CPLANE1: variants seen among roughly 807,000 people sequenced by gnomAD.
CPLANE1 encodes the protein ciliogenesis and planar polarity effector complex subunit 1.
CPLANE1 carries 263 observed loss-of-function variants against 362.5 expected under a neutral mutation model. The ratio of observed to expected loss-of-function variants is 0.73; its 90% CI spans 0.66 to 0.80. The LOEUF (loss-of-function observed/expected upper bound fraction) is 0.80. CPLANE1 is among the 30% of genes least tolerant of loss of function. CPLANE1 has a pLI of 0.00. For missense variants in CPLANE1, 3,461 were observed against 3,793.4 expected (o/e 0.91, Z 2.30); for synonymous variants, 1,212 against 1,302.6 (o/e 0.93, Z 1.50).
In CPLANE1 at chr5:37,170,146, A is replaced by G. The variant is rs1383536645; in HGVS notation, c.6357T>C (p.Ile2119=). 6.8e-6 allele frequency: 11 copies of G among 1,614,018 alleles called. No homozygotes were observed. The highest frequency in any genetic ancestry group is 9.3e-6 in the Non-Finnish European group (11 of 1,180,030). The change falls in exon 33 of 53, where the codon ATT becomes ATC. Residue 2119 remains isoleucine, a synonymous_variant. Coordinates refer to ENST00000651892, the MANE Select transcript of CPLANE1 (RefSeq NM_001384732.1). ...CGTTCTCTCCCATTGACTGTGGTTT[A>G]ATAAAAAATCTCTCCTTAAGATTTT... ...SNKNLKERFF[I]KPQSMGENAR...
intron 31 of CPLANE1, among the ~76,000 whole-genome samples, chr5:37,175,350 GCAA>G (rs948187432): frequency 6.6e-6 from 1 of 152,178 alleles, no homozygotes; most frequent in Admixed American, 6.5e-5. Flanking sequence ...TCATGCAGAC[GCAA>G]CAACATTTTG....
intron 19 of CPLANE1, among the ~76,000 whole-genome samples, chr5:37,200,395 A>G (rs1262420314): frequency 2.0e-5 from 3 of 152,240 alleles, no homozygotes; most frequent in African/African-American, 7.2e-5. Context: ...GTCATTTCAA[A>G]TTTCTAAACC....
the CPLANE1 span, among the ~76,000 whole-genome samples, chr5:37,076,503 G>C: frequency 1.3e-5 from 2 of 151,678 alleles, no homozygotes. Context: ...GTAGAGACAG[G>C]GTTTCACCAT....
intron 51 of CPLANE1, among the ~76,000 whole-genome samples, chr5:37,113,326 G>C (rs1365486033): frequency 6.6e-6 from 1 of 152,150 alleles, no homozygotes; most frequent in Non-Finnish European, 1.5e-5. Context: ...GAGTTCCCCT[G>C]AATACACTCT....
intron 21 of CPLANE1, among the ~76,000 whole-genome samples, chr5:37,192,635 C>T (rs867663421): frequency 2.6e-5 from 4 of 151,780 alleles, no homozygotes; most frequent in African/African-American, 7.3e-5. Flanking sequence ...GAGGCCAAGG[C>T]GGGCAGATCA....
chr5:37,161,554 A>G (rs1490943145), intron 38 of CPLANE1, among the ~76,000 whole-genome samples: 1 of 152,262 alleles, frequency 6.6e-6, no homozygotes, highest in African/African-American at 2.4e-5. Context: ...AATATGTTAA[A>G]GATACACTCT....
chr5:37,229,773 T>C (rs1480417933), intron 9 of CPLANE1, among the ~76,000 whole-genome samples: 1 of 152,190 alleles, frequency 6.6e-6, no homozygotes, highest in African/African-American at 2.4e-5. Context: ...TGTATTACCT[T>C]ACTTCATTCT....
At chr5:37,090,069 C>T in the CPLANE1 span, among the ~76,000 whole-genome samples, 4 of 152,048 alleles carry the variant, frequency 2.6e-5, no homozygotes, top group South Asian at 2.1e-4. Flanking sequence ...ATCTTGGGTA[C>T]GTATTAACTT....
Position 37,175,954 on chromosome 5 carries a change from G to C in CPLANE1, c.5933C>G (p.Thr1978Ser). The C allele has an allele frequency of 6.2e-7, 1 of 1,613,424 alleles. No individual in the cohort carries two copies. Among genetic ancestry groups the C allele is most frequent in the Non-Finnish European group, 8.5e-7 (1 of 1,179,598 alleles). ...MIEAFSHPGH[T>S]TPQSMQVDTS... is the part of the protein sequence containing the mutation. ...ATCTACTTGCATTGATTGAGGAGTG[G>C]TATGCCCAGGATGTGAAAAGGCTTC... The change falls in exon 31 of 53, where the codon ACC becomes AGC. Residue 1978 changes from threonine to serine, a missense_variant. Around this residue, in one of 2 missense-constraint regions of CPLANE1, gnomAD observed 3,380 missense variants for 3,666.1 expected, o/e 0.92. Coordinates refer to ENST00000651892, the MANE Select transcript of CPLANE1 (RefSeq NM_001384732.1).
At chr5:37,126,536 T>C (rs1425612950) in intron 46 of CPLANE1, among the ~76,000 whole-genome samples, 1 of 152,230 alleles carries the variant, frequency 6.6e-6, no homozygotes. Flanking sequence ...AGCTGCATCA[T>C]AGTCTGATGC....
chr5:37,177,814 G>A (rs1001822706), intron 29 of CPLANE1, 114 bp from the exon 30 acceptor site: 14 of 765,312 alleles, frequency 1.8e-5, no homozygotes, highest in Admixed American at 6.9e-5. Flanking sequence ...CAGTCTACAA[G>A]CAAGTGAGAA....
At chr5:37,120,650 T>C (rs563773285) in intron 49 of CPLANE1, among the ~76,000 whole-genome samples, 3 of 152,344 alleles carry the variant, frequency 2.0e-5, no homozygotes, top group African/African-American at 7.2e-5. Flanking sequence ...TGTACCTCAG[T>C]GATGCACTTA....
chr5:37,118,392 C>G (rs1761646125), intron 50 of CPLANE1, among the ~76,000 whole-genome samples: 2 of 136,528 alleles, frequency 1.5e-5, no homozygotes, highest in Admixed American at 7.4e-5. Context: ...GGGCAACACA[C>G]TGTGTCTCAA....
chr5:37,193,313 A>G (rs1279380226), intron 21 of CPLANE1, among the ~76,000 whole-genome samples: 2 of 152,112 alleles, frequency 1.3e-5, no homozygotes, highest in African/African-American at 2.4e-5. Context: ...GTGCTTATAC[A>G]TCTCTACTTT....
chr5:37,171,772 CTCTCTCTCTCTCTA>C (rs2150977361), intron 32 of CPLANE1, among the ~76,000 whole-genome samples: 2 of 151,574 alleles, frequency 1.3e-5, no homozygotes, highest in African/African-American at 4.8e-5. Context: ...CTCTCTCTCT[CTCTCTCTCTCTCTA>C]TCTATCTATT....
chr5:37,188,995 G>A (rs1374185873), intron 21 of CPLANE1, among the ~76,000 whole-genome samples: 3 of 152,032 alleles, frequency 2.0e-5, no homozygotes, highest in Non-Finnish European at 4.4e-5. Flanking sequence ...GACTACAAGC[G>A]TGTGCCACCA....
intron 37 of CPLANE1, 173 bp from the exon 38 acceptor site, chr5:37,162,739 G>GCA: frequency 4.6e-6 from 2 of 438,116 alleles, no homozygotes; most frequent in Non-Finnish European, 8.1e-6. Flanking sequence ...GAGTGCAGTG[G>GCA]TGCAATCTCG....
the CPLANE1 span, among the ~76,000 whole-genome samples, chr5:37,094,246 G>A: frequency 6.6e-6 from 1 of 152,090 alleles, no homozygotes; most frequent in Non-Finnish European, 1.5e-5. Context: ...ATTGAATCAG[G>A]GTCTGCAAGA....
intron 43 of CPLANE1, among the ~76,000 whole-genome samples, chr5:37,143,936 GAAAA>G (rs10715136): frequency 1.6e-5 from 2 of 126,014 alleles, no homozygotes; most frequent in African/African-American, 2.9e-5. Flanking sequence ...ACTCTGTCTC[GAAAA>G]AAAAAAAAAA....
Sources: allele counts gnomAD v4.1 joint callset (sites outside exome capture counted in the v4.1 genomes callset), GRCh38; gene constraint gnomAD v4.1.1; regional missense constraint gnomAD v4.1.1; transcripts MANE v1.5; gene names NCBI Gene and HGNC (gene_info 2026-07-23, HGNC 2026-07-21).